The following SLCO2B1 variants were observed in gnomAD, a reference collection of about 807,000 sequenced individuals.
SLCO2B1 encodes solute carrier organic anion transporter family member 2B1.
SLCO2B1 carries 41 observed loss-of-function variants against 67.3 expected under a neutral mutation model. That is an observed-to-expected ratio of 0.61 (90% CI 0.47 to 0.79). SLCO2B1 has a LOEUF of 0.79. Among genes scored for constraint, SLCO2B1 ranks in the 30% least tolerant of loss-of-function variants. The pLI is 0.00. For missense variants in SLCO2B1, 837 were observed against 920.1 expected (o/e 0.91, Z 1.17); for synonymous variants, 379 against 381.4 (o/e 0.99, Z 0.07).
chr11:75,193,571 A>G lies in SLCO2B1; in HGVS notation c.1429A>G (p.Thr477Ala). 1 of 1,548,256 alleles carries G rather than the reference A, an allele frequency of 6.5e-7. No homozygotes were observed. Among genetic ancestry groups the G allele is most frequent in the Non-Finnish European group, 8.7e-7 (1 of 1,146,334 alleles). Reference sequence around the variant, plus strand: ...CCAGATTGCGGGCATCACACACCAGACCAGGTGAGTGTGTGCGTGGGCACG... The same window carrying G: ...CCAGATTGCGGGCATCACACACCAGGCCAGGTGAGTGTGTGCGTGGGCACG... The part of the protein sequence containing the change: ...SHQIAGITHQ[T>A]SAHPGLELSP... Residue 477 changes from threonine (T) to alanine (A), a missense_variant, in exon 9 of 14, where the codon ACC becomes GCC. Thr to Ala is a moderately conservative substitution (Grantham distance 58). Transcript: ENST00000289575. The surrounding 1 kb of genome is among the most constrained non-coding windows in gnomAD (Gnocchi z 4.2).
rs78976935 is a variant in SLCO2B1, at chr11:75,165,840, C to T, written c.339C>T (p.His113=). ...VFVSYFGSRV[H]RPRMIGYGAI... is the part of the protein sequence containing the mutation. ...TGAGCTATTTTGGCAGCCGGGTGCA[C>T]CGACCCCGAATGATTGGCTATGGGG... Residue 113 remains histidine, a synonymous_variant, in exon 4 of 14, where the codon CAC becomes CAT. Coordinates refer to ENST00000289575, the MANE Select transcript of SLCO2B1 (RefSeq NM_007256.5). 1.2e-6 allele frequency: 2 copies of T among 1,614,066 alleles called. No individual in the cohort carries two copies. Among genetic ancestry groups the T allele is most frequent in the East Asian group, 2.2e-5 (1 of 44,888 alleles).
chr11:75,202,584 T>C (rs1945198722), intron 11 of SLCO2B1: 2 of 347,074 alleles, frequency 5.8e-6, no homozygotes, highest in South Asian at 5.3e-5. Flanking sequence ...TCTTGCCAAC[T>C]GTAGGAGTAA....
At position 75,206,482 on chromosome 11, in the gene SLCO2B1, C is replaced by T. The variant is rs528813141; in HGVS notation, c.*1902C>T. 1 of 152,264 alleles carries T rather than the reference C, an allele frequency of 6.6e-6. No homozygotes were observed. Among genetic ancestry groups the T allele is most frequent in the South Asian group, 2.1e-4 (1 of 4,828 alleles). 9.4% of individuals were successfully genotyped at this position (152,264 alleles called of 1,614,324 possible). A position where few individuals can be genotyped will look rare whatever the true frequency, so the allele number is the denominator to read the frequency against. On this transcript the variant is annotated 3_prime_UTR_variant, in exon 14 of 14. Transcript: ENST00000289575. The stretch of plus-strand genomic sequence containing the variant: ...AATAAGGTCATGAGGATTTCTGAAT[C>T]CTCACCTGTCCAAATTGTCATTCAC...
At chr11:75,172,607 C>T in intron 7 of SLCO2B1, 38 bp downstream of exon 7, 1 of 1,545,346 alleles carries the variant, frequency 6.5e-7, no homozygotes, top group East Asian at 2.3e-5. Context: ...GGTCCAGGCT[C>T]CAGCACCACC....
intron 3 of SLCO2B1, 128 bp downstream of exon 3, chr11:75,164,228 C>A: frequency 1.0e-6 from 1 of 998,064 alleles, no homozygotes; most frequent in Non-Finnish European, 1.4e-6. Flanking sequence ...AACCCCTGTC[C>A]CAGCGCCTGC....
At chr11:75,153,596 T>A (rs1487036512) in intron 1 of SLCO2B1, among the ~76,000 whole-genome samples, 1 of 152,100 alleles carries the variant, frequency 6.6e-6, no homozygotes, top group Non-Finnish European at 1.5e-5. Context: ...CTTCCACCAA[T>A]CCCACACAGG....
At chr11:75,189,049 G>C (rs754588465) in intron 8 of SLCO2B1, among the ~76,000 whole-genome samples, 2 of 152,202 alleles carry the variant, frequency 1.3e-5, no homozygotes, top group Non-Finnish European at 2.9e-5. Context: ...CCTGATCCCT[G>C]CTCCTTTCTG....
At chr11:75,152,351 A>T (rs1949702497) in intron 1 of SLCO2B1, 1 of 152,386 alleles carries the variant, frequency 6.6e-6, no homozygotes, top group South Asian at 2.1e-4. Flanking sequence ...ACTTGCTCCC[A>T]GAAGCCCAGC....
chr11:75,155,142 T>G (rs975976676), intron 1 of SLCO2B1, among the ~76,000 whole-genome samples: 3 of 152,028 alleles, frequency 2.0e-5, no homozygotes, highest in Non-Finnish European at 2.9e-5. Context: ...CTGCCAGATC[T>G]CCTTCAAGAA....
intron 3 of SLCO2B1, among the ~76,000 whole-genome samples, chr11:75,165,561 CA>C (rs1949878321): frequency 6.6e-6 from 1 of 152,192 alleles, no homozygotes; most frequent in Admixed American, 6.5e-5. Context: ...AATCTGTGTT[CA>C]AAAATGGAAT....
rs12274382 is a variant in SLCO2B1, at chr11:75,162,813, C to G, written c.147+28C>G. The G allele has an allele frequency of 8.3e-3, 13,288 of 1,606,030 alleles. 829 individuals are homozygous for G. In the African/African-American group the frequency reaches 0.15, roughly 18 times the overall value. ...ACCTCTCAGGGCCTGGCAGGGGCCT[C>G]CGAGTCTAGAAGAGCAGGCTCTGCC... On this transcript the variant is annotated intron_variant, in intron 2 of 13. Transcript: ENST00000289575.
chr11:75,166,095 C>T (rs1949888414), intron 4 of SLCO2B1, 146 bp downstream of exon 4: 3 of 990,994 alleles, frequency 3.0e-6, no homozygotes, highest in African/African-American at 1.6e-5. Context: ...CCCAACCTGG[C>T]TCCCCAGGCC....
chr11:75,175,550 T>C (rs1950012945), intron 7 of SLCO2B1, among the ~76,000 whole-genome samples: 1 of 152,012 alleles, frequency 6.6e-6, no homozygotes, highest in African/African-American at 2.4e-5. Flanking sequence ...TTTAAAGGTA[T>C]CCGGGAGATT....
At chr11:75,181,384 A>AAG (rs1555140877) in intron 7 of SLCO2B1, among the ~76,000 whole-genome samples, 1 of 151,316 alleles carries the variant, frequency 6.6e-6, no homozygotes, top group Non-Finnish European at 1.5e-5. Context: ...AAAAAAAAAA[A>AAG]AAAAGAAAAA....
At chr11:75,177,820 G>T (rs1591822101) in intron 7 of SLCO2B1, among the ~76,000 whole-genome samples, 1 of 152,136 alleles carries the variant, frequency 6.6e-6, no homozygotes, top group Admixed American at 6.5e-5. Context: ...ATGAGGCTGG[G>T]TGTGGTGGCT....
chr11:75,176,681 G>A (rs1950028803), intron 7 of SLCO2B1, among the ~76,000 whole-genome samples: 1 of 152,216 alleles, frequency 6.6e-6, no homozygotes, highest in South Asian at 2.1e-4. Context: ...ATGGAAGACA[G>A]GAGTGTGAGG....
intron 11 of SLCO2B1, 177 bp downstream of exon 11, chr11:75,200,564 C>T (rs375460657): frequency 1.5e-4 from 82 of 544,938 alleles, no homozygotes; most frequent in African/African-American, 1.4e-3. Flanking sequence ...GGTTTTCTCC[C>T]CATCTTGCAG....
chr11:75,185,475 C>T (rs1950138515), intron 7 of SLCO2B1, among the ~76,000 whole-genome samples: 1 of 150,084 alleles, frequency 6.7e-6, no homozygotes, highest in African/African-American at 2.5e-5. Flanking sequence ...CTCTTCCAAA[C>T]TGCTGTCCCC....
intron 7 of SLCO2B1, among the ~76,000 whole-genome samples, chr11:75,174,303 A>G (rs528531100): frequency 4.6e-5 from 7 of 152,112 alleles, no homozygotes; most frequent in African/African-American, 1.7e-4. Flanking sequence ...GACAATTTAT[A>G]AAAATCCTGT....
Sources: gnomAD v4.1 joint callset for allele counts (sites outside exome capture counted in the v4.1 genomes callset) on GRCh38, gnomAD v4.1.1 for gene constraint, Gnocchi (gnomAD v3.1) non-coding constraint, MANE v1.5 for transcripts, NCBI Gene and HGNC (gene_info 2026-07-23, HGNC 2026-07-21) for gene names.